The following PRKCZ variants were observed in gnomAD, a reference collection of about 807,000 sequenced individuals.
The protein encoded by PRKCZ is protein kinase C zeta, also known as protein kinase C zeta type.
In PRKCZ, 33 loss-of-function variants were observed where a neutral mutation model predicts 79.5. That is an observed-to-expected ratio of 0.41 (90% CI 0.31 to 0.55). The LOEUF (loss-of-function observed/expected upper bound fraction) is 0.55, where lower values mean the gene tolerates loss of function less well. PRKCZ is among the 20% of genes least tolerant of loss of function. The pLI is 0.19. For synonymous variants in PRKCZ, 342 were observed against 320.9 expected, an observed-to-expected ratio of 1.07 and a Z score of -0.70; for missense variants, 578 against 813.5, an observed-to-expected ratio of 0.71 and a Z score of 3.52.
intron 6 of PRKCZ, chr1:2,144,633 A>G: frequency 8.2e-7 from 1 of 1,220,670 alleles, no homozygotes; most frequent in South Asian, 1.8e-5. Context: ...AGGTTCATTC[A>G]TACCCCAGTC....
intron 4 of PRKCZ, among the ~76,000 whole-genome samples, chr1:2,131,703 C>T (rs1674987251): frequency 6.6e-6 from 1 of 152,208 alleles, no homozygotes; most frequent in African/African-American, 2.4e-5. Context: ...TGCAGGCTGT[C>T]CCCCGCCGCT....
At position 2,146,077 on chromosome 1, in the gene PRKCZ, C is replaced by T. The variant is rs757956708; in HGVS notation, c.603C>T (p.Asp201=). The T allele has an allele frequency of 1.5e-5, 25 of 1,614,078 alleles. No homozygotes were observed. Among genetic ancestry groups the T allele is most frequent in the South Asian group, 7.7e-5 (7 of 91,088 alleles). The part of the protein sequence containing the change: ...QEPPVDDKNE[D]ADLPSEETDG... ...CTCCAGTAGACGACAAGAACGAGGA[C>T]GCCGACCTTCCTTCCGAGGAGACAG... is the stretch of plus-strand genomic sequence containing the variant. The change falls in exon 7 of 18, where the codon GAC becomes GAT. Residue 201 remains aspartate (D), a synonymous_variant. Coordinates refer to ENST00000378567, the MANE Select transcript of PRKCZ (RefSeq NM_002744.6).
chr1:2,081,797 C>A (rs912277750), intron 4 of PRKCZ, among the ~76,000 whole-genome samples: 1 of 152,022 alleles, frequency 6.6e-6, no homozygotes, highest in African/African-American at 2.4e-5. Context: ...AGCTCAGGCA[C>A]GCCCCCCACA....
intron 4 of PRKCZ, among the ~76,000 whole-genome samples, chr1:2,079,277 G>A (rs1021197602): frequency 3.9e-5 from 6 of 152,268 alleles, no homozygotes; most frequent in Non-Finnish European, 8.8e-5. Context: ...GCACATTCAT[G>A]GCTGCGAGGC....
chr1:2,161,206 C>T (rs143135749), intron 10 of PRKCZ, among the ~76,000 whole-genome samples: 13 of 152,350 alleles, frequency 8.5e-5, no homozygotes, highest in African/African-American at 1.2e-4. Flanking sequence ...GACGGCTCAG[C>T]GGCCCCCTGA....
At chr1:2,157,021 C>G (rs1557700146) in intron 10 of PRKCZ, among the ~76,000 whole-genome samples, 1 of 152,150 alleles carries the variant, frequency 6.6e-6, no homozygotes, top group African/African-American at 2.4e-5. Flanking sequence ...GCTGGAGGCC[C>G]AGGAGAGCCA....
intron 4 of PRKCZ, among the ~76,000 whole-genome samples, chr1:2,086,503 G>A (rs544770837): frequency 2.6e-5 from 4 of 152,312 alleles, no homozygotes; most frequent in Admixed American, 6.5e-5. Flanking sequence ...CATGCTACCC[G>A]CTTTTCCATC....
At position 2,104,468 on chromosome 1, in the gene PRKCZ, G is replaced by A. The variant is rs746427792; in HGVS notation, c.335-30794G>A. On this transcript the variant is annotated intron_variant, in intron 4 of 17. Coordinates refer to ENST00000378567, the MANE Select transcript of PRKCZ (RefSeq NM_002744.6). ...GTTCAGGGGCCAGTACAGCAGCATC[G>A]GTCTGCGAGGGGTATGTGTTCTAGA... Among the ~76,000 whole-genome samples, 9 of 152,240 alleles carry A rather than the reference G, an allele frequency of 5.9e-5. No individual in the cohort carries two copies. In the South Asian group the frequency reaches 1.2e-3, roughly 21 times the overall value.
intron 3 of PRKCZ, 71 bp downstream of exon 3, chr1:2,056,644 G>A: frequency 7.2e-7 from 1 of 1,380,314 alleles, no homozygotes; most frequent in Non-Finnish European, 1.0e-6. Context: ...CCGACTAGCT[G>A]GGGGATTTAA....
intron 4 of PRKCZ, among the ~76,000 whole-genome samples, chr1:2,099,587 C>T (rs1264437578): frequency 6.6e-6 from 1 of 152,160 alleles, no homozygotes; most frequent in Non-Finnish European, 1.5e-5. Context: ...AGGGAGGGGG[C>T]AGCAAGGACC....
chr1:2,184,600 G>A lies in PRKCZ; in HGVS notation c.1593G>A (p.Ala531=), dbSNP rs1331260807. 5.0e-6 allele frequency: 8 copies of A among 1,613,620 alleles called. No homozygotes were observed. Among genetic ancestry groups the A allele is most frequent in the South Asian group, 4.4e-5 (4 of 91,052 alleles). The part of the protein sequence containing the change: ...IDWDLLEKKQ[A]LPPFQPQITD... ...TTTCCAAGCTGGAGAAGAAGCAGGC[G>A]CTCCCTCCATTCCAGCCACAGATCA... Residue 531 remains alanine (A), a synonymous_variant, in exon 17 of 18, where the codon GCG becomes GCA. Transcript: ENST00000378567.
chr1:2,155,432 G>A (rs934087326), intron 9 of PRKCZ, among the ~76,000 whole-genome samples: 6 of 144,428 alleles, frequency 4.2e-5, no homozygotes, highest in East Asian at 4.0e-4. Context: ...TGACAGTGAC[G>A]GTTGTGATGG....
chr1:2,133,680 G>T, intron 4 of PRKCZ: 1 of 152,388 alleles, frequency 6.6e-6, no homozygotes, highest in South Asian at 1.9e-4. Flanking sequence ...TCTGTCCCTC[G>T]ACTCGGCCCC....
At chr1:2,096,501 T>C (rs1666543983) in intron 4 of PRKCZ, among the ~76,000 whole-genome samples, 1 of 152,090 alleles carries the variant, frequency 6.6e-6, no homozygotes, top group Non-Finnish European at 1.5e-5. Context: ...CACAGCAGTG[T>C]GTAAAAACAG....
At chr1:2,129,813 C>G (rs1674615180) in intron 4 of PRKCZ, among the ~76,000 whole-genome samples, 1 of 152,218 alleles carries the variant, frequency 6.6e-6, no homozygotes, top group Admixed American at 6.5e-5. Flanking sequence ...CACAGGGAGG[C>G]TTCTGGTTAC....
At chr1:2,179,178 G>A (rs889756958) in intron 16 of PRKCZ, among the ~76,000 whole-genome samples, 6 of 152,202 alleles carry the variant, frequency 3.9e-5, no homozygotes, top group African/African-American at 1.2e-4. Context: ...CCCATGGGCC[G>A]TGTCTAGACC....
At position 2,168,721 on chromosome 1, in the gene PRKCZ, C is replaced by T. The variant is rs1358018934; in HGVS notation, c.975-797C>T. Reference sequence around the variant, plus strand: ...CACCACACGCTTCCCTCCTTCACTCCCCGCTCCACGAGGGGCAGCCAGGAG... The same window carrying T: ...CACCACACGCTTCCCTCCTTCACTCTCCGCTCCACGAGGGGCAGCCAGGAG... On this transcript the variant is annotated intron_variant, in intron 10 of 17. Coordinates refer to ENST00000378567, the MANE Select transcript of PRKCZ (RefSeq NM_002744.6). The surrounding 1 kb of genome is among the most constrained non-coding windows in gnomAD (Gnocchi z 4.7). 5.6e-6 allele frequency: 1 copy of T among 179,334 alleles called. No homozygotes were observed. The highest frequency in any genetic ancestry group is 1.2e-5 in the Non-Finnish European group (1 of 83,592). The allele number at this position is 179,334 out of a possible 1,614,324, so 11.1% of individuals were successfully genotyped here.
intron 7 of PRKCZ, among the ~76,000 whole-genome samples, chr1:2,147,582 C>T (rs572719881): frequency 7.2e-5 from 11 of 151,840 alleles, no homozygotes; most frequent in South Asian, 2.1e-4. Flanking sequence ...TCCATCTTTC[C>T]GTCTATTGTC....
At chr1:2,099,435 G>T (rs1444008258) in intron 4 of PRKCZ, among the ~76,000 whole-genome samples, 1 of 148,366 alleles carries the variant, frequency 6.7e-6, no homozygotes, top group Non-Finnish European at 1.5e-5. Flanking sequence ...TCACTGTGCA[G>T]ACCAATGATT....
Sources: allele counts gnomAD v4.1 joint callset (sites outside exome capture counted in the v4.1 genomes callset), GRCh38; gene constraint gnomAD v4.1.1; non-coding constraint Gnocchi (gnomAD v3.1); transcripts MANE v1.5; gene names NCBI Gene and HGNC (gene_info 2026-07-23, HGNC 2026-07-21).